The following DMP1 variants were observed in gnomAD, a reference collection of about 807,000 sequenced individuals.
DMP1 encodes dentin matrix acidic phosphoprotein 1.
A neutral mutation model predicts 14.6 loss-of-function variants in DMP1; 20 were observed. The ratio of observed to expected loss-of-function variants is 1.37; its 90% confidence interval spans 0.96 to 1.99. DMP1 has a LOEUF of 1.99. DMP1 is among the 30% of genes most tolerant of loss of function. The pLI is 0.00. For missense variants in DMP1, 567 were observed against 620.5 expected, an observed-to-expected ratio of 0.91 and a Z score of 0.92; for synonymous variants, 197 against 215.3, an observed-to-expected ratio of 0.91 and a Z score of 0.75.
chr4:87,662,151 G>A lies in DMP1; in HGVS notation c.373G>A (p.Asp125Asn). ...CGATGACAGTGGCCCAGGGCCCAAA[G>A]ACAGACAAGAAGGAGGAAACTCCAG... ...GDDDSGPGPK[D>N]RQEGGNSRLG... The change falls in exon 6 of 6, where the codon GAC becomes AAC. Residue 125 changes from aspartate (D) to asparagine (N), a missense_variant. Transcript: ENST00000339673. 1 of 1,614,204 alleles carries A rather than the reference G, an allele frequency of 6.2e-7. No individual in the cohort carries two copies. Among genetic ancestry groups the A allele is most frequent in the Non-Finnish European group, 8.5e-7 (1 of 1,180,040 alleles).
chr4:87,662,523 G>C lies in DMP1; in HGVS notation c.745G>C (p.Ala249Pro), dbSNP rs1560494217. 1.2e-6 allele frequency: 2 copies of C among 1,614,168 alleles called. No homozygotes were observed. The highest frequency in any genetic ancestry group is 1.7e-6 in the Non-Finnish European group (2 of 1,180,018). Reference protein sequence around the residue: ...SKESGENSEQANTQDSGGSQL... With the variant: ...SKESGENSEQPNTQDSGGSQL... ...AGAATCTGGAGAAAACAGTGAGCAA[G>C]CAAACACTCAAGATTCAGGTGGCAG... The change falls in exon 6 of 6, where the codon GCA (alanine) becomes CCA (proline). Residue 249 changes from alanine to proline, a missense_variant. Physicochemically the swap from Ala to Pro is conservative, Grantham distance 27. Coordinates refer to ENST00000339673, the MANE Select transcript of DMP1 (RefSeq NM_004407.4).
At chr4:87,653,176 GA>G (rs1209626654) in intron 1 of DMP1, among the ~76,000 whole-genome samples, 1 of 151,476 alleles carries the variant, frequency 6.6e-6, no homozygotes, top group Non-Finnish European at 1.5e-5. Context: ...CACAAATTAA[GA>G]ATAACTATGC....
At chr4:87,661,633 T>G (rs1321615340) in intron 5 of DMP1, among the ~76,000 whole-genome samples, 1 of 140,150 alleles carries the variant, frequency 7.1e-6, no homozygotes, top group Non-Finnish European at 1.5e-5. Flanking sequence ...TGAGCCACCT[T>G]GCCCAGCCCA....
intron 1 of DMP1, among the ~76,000 whole-genome samples, chr4:87,656,026 A>G (rs1466119783): frequency 6.6e-6 from 1 of 152,168 alleles, no homozygotes; most frequent in Non-Finnish European, 1.5e-5. Context: ...AGTGGTTTTC[A>G]GTATGTTCAC....
At chr4:87,658,729 G>A (rs1048719090) in intron 3 of DMP1, 17 of 173,660 alleles carry the variant, frequency 9.8e-5, no homozygotes, top group African/African-American at 2.2e-4. Flanking sequence ...GGTCAGACAC[G>A]TGAAGTGAAT....
intron 5 of DMP1, among the ~76,000 whole-genome samples, chr4:87,660,467 G>A (rs1728828877): frequency 6.6e-6 from 1 of 152,290 alleles, no homozygotes; most frequent in South Asian, 2.1e-4. Context: ...AAACTCCAGT[G>A]CTAGGAAGAG....
chr4:87,654,295 G>A (rs1356043426), intron 1 of DMP1, among the ~76,000 whole-genome samples: 1 of 152,144 alleles, frequency 6.6e-6, no homozygotes, highest in Non-Finnish European at 1.5e-5. Flanking sequence ...TTGGGAAAGA[G>A]GGATTCTAGT....
rs200549155 is a variant in DMP1, at chr4:87,662,295, C to T, written c.517C>T (p.Arg173Trp). 2.1e-4 allele frequency: 336 copies of T among 1,613,850 alleles called. No individual in the cohort carries two copies. The highest frequency in any genetic ancestry group is 2.7e-4 in the Non-Finnish European group (320 of 1,180,006). ...GAGCAGGGAACTTGACAATGAGGAC[C>T]GGGTGGACAGCAAGCCTGAGGGAGG... The part of the protein sequence containing the change: ...SESRELDNED[R>W]VDSKPEGGDS... Residue 173 changes from arginine to tryptophan, a missense_variant, in exon 6 of 6, where the codon CGG becomes TGG. Coordinates refer to ENST00000339673, the MANE Select transcript of DMP1 (RefSeq NM_004407.4).
chr4:87,659,906 C>G (rs1370556700), intron 5 of DMP1, among the ~76,000 whole-genome samples: 2 of 152,158 alleles, frequency 1.3e-5, no homozygotes, highest in Non-Finnish European at 2.9e-5. Flanking sequence ...AACAGGACAG[C>G]CCTGAGGAAA....
rs747296025 is a variant in DMP1 at position 87,662,828 on chromosome 4, G to A, written c.1050G>A (p.Glu350=). Residue 350 remains glutamate (E), a synonymous_variant, in exon 6 of 6, where the codon GAG becomes GAA. Transcript: ENST00000339673. The stretch of plus-strand genomic sequence containing the variant: ...AAGAGGCCAACCTGTCATCTCAAGA[G>A]AACAGCAGTGAGTCTCAGGAAGAGG... ...SSQEANLSSQ[E]NSSESQEEVV... 3.7e-6 allele frequency: 6 copies of A among 1,613,070 alleles called. No individual in the cohort carries two copies. The highest frequency in any genetic ancestry group is 5.1e-6 in the Non-Finnish European group (6 of 1,179,120).
chr4:87,656,605 T>G (rs186164610), intron 2 of DMP1, 59 bp downstream of exon 2: 8 of 1,144,720 alleles, frequency 7.0e-6, no homozygotes, highest in Non-Finnish European at 1.1e-5. Flanking sequence ...CTCCACAATT[T>G]TGATTGGCTA....
Position 87,662,381 on chromosome 4 carries a change from G to C in DMP1, c.603G>C (p.Glu201Asp). Residue 201 changes from glutamate (E) to aspartate (D), a missense_variant, in exon 6 of 6, where the codon GAG becomes GAC. Physicochemically the swap from Glu to Asp is conservative, Grantham distance 45 (BLOSUM62 2). Transcript: ENST00000339673. Reference protein sequence around the residue: ...EHWVGGGSDGESSHGDGSELD... With the variant: ...EHWVGGGSDGDSSHGDGSELD... ...GGGTGGGAGGTGGCAGTGATGGGGA[G>C]AGCAGCCATGGAGACGGCTCCGAGT... is the stretch of plus-strand genomic sequence containing the variant. 1 of 1,614,184 alleles carries C rather than the reference G, an allele frequency of 6.2e-7. No homozygotes were observed. The highest frequency in any genetic ancestry group is 8.5e-7 in the Non-Finnish European group (1 of 1,180,034).
intron 5 of DMP1, among the ~76,000 whole-genome samples, chr4:87,661,203 A>G (rs1380625079): frequency 2.4e-5 from 2 of 82,272 alleles, no homozygotes; most frequent in Admixed American, 2.8e-4. Flanking sequence ...ACAGCCAGCT[A>G]ATTTTTTTTT....
rs376221415 is a variant in DMP1, at chr4:87,656,519, C to T, written c.27C>T (p.Phe9=). The change falls in exon 2 of 6, where the codon TTC becomes TTT. Residue 9 remains phenylalanine, a synonymous_variant. Coordinates refer to ENST00000339673, the MANE Select transcript of DMP1 (RefSeq NM_004407.4). MKISILLM[F]LWGLSCALPV... is the part of the protein sequence containing the mutation. ...TGAAGATCAGCATCCTGCTCATGTT[C>T]CTTTGGGGATTATCCTGTGCTCTCC... 3.1e-6 allele frequency: 5 copies of T among 1,610,114 alleles called. No homozygotes were observed. The East Asian group carries it at 8.9e-5, about 29-fold the overall frequency.
At chr4:87,653,407 A>ATATATATATATATATATAT (rs1560489293) in intron 1 of DMP1, among the ~76,000 whole-genome samples, 47 of 104,156 alleles carry the variant, frequency 4.5e-4, no homozygotes, top group South Asian at 8.2e-4. Context: ...ATATATATAT[A>ATATATATATATATATATAT]TATATATATA....
rs1355232544 is a variant in DMP1, at chr4:87,662,961, T to G, written c.1183T>G (p.Ser395Ala). Residue 395 changes from serine (S) to alanine (A), a missense_variant, in exon 6 of 6, where the codon TCA (serine) becomes GCA (alanine). Ser to Ala is a moderately conservative substitution (Grantham distance 99). Transcript: ENST00000339673. ...EEDSSHTLSH[S>A]KSESREEQAD... ...GGACAGCTCGCACACACTCTCCCAC[T>G]CAAAAAGTGAATCCAGAGAGGAGCA... 8 of 1,613,948 alleles carry G rather than the reference T, an allele frequency of 5.0e-6. No individual in the cohort carries two copies. Among genetic ancestry groups the G allele is most frequent in the East Asian group, 4.5e-5 (2 of 44,860 alleles).
rs767214785 is a variant in DMP1 at position 87,662,104 on chromosome 4, G to A, written c.326G>A (p.Ser109Asn). The change falls in exon 6 of 6, where the codon AGT (serine) becomes AAT (asparagine). Residue 109 changes from serine to asparagine, a missense_variant. Coordinates refer to ENST00000339673, the MANE Select transcript of DMP1 (RefSeq NM_004407.4). ...GATAAAGATGACGATGAAGATGACA[G>A]TGGAGATGACACCTTTGGTGACGAT... is the stretch of plus-strand genomic sequence containing the variant. ...GDDKDDDEDD[S>N]GDDTFGDDDS... The A allele has an allele frequency of 6.2e-7, 1 of 1,614,226 alleles. No individual in the cohort carries two copies. Among genetic ancestry groups the A allele is most frequent in the East Asian group, 2.2e-5 (1 of 44,884 alleles).
intron 1 of DMP1, among the ~76,000 whole-genome samples, chr4:87,653,401 A>ATATATATATATATATATATATATATAT (rs1728578978): frequency 4.8e-5 from 4 of 83,830 alleles, no homozygotes; most frequent in African/African-American, 6.9e-5. Flanking sequence ...ATATATATAT[A>ATATATATATATATATATATATATATAT]TATATATATA....
At chr4:87,651,110 T>G (rs1378913610) in intron 1 of DMP1, among the ~76,000 whole-genome samples, 1 of 152,316 alleles carries the variant, frequency 6.6e-6, no homozygotes, top group Non-Finnish European at 1.5e-5. Flanking sequence ...GAAGAGTCCA[T>G]GTGTTTTAGC....
Sources: gnomAD v4.1 joint callset for allele counts (sites outside exome capture counted in the v4.1 genomes callset) on GRCh38, gnomAD v4.1.1 for gene constraint, MANE v1.5 for transcripts, NCBI Gene and HGNC (gene_info 2026-07-23, HGNC 2026-07-21) for gene names.